PREX2: variants seen among roughly 807,000 people sequenced by gnomAD.
PREX2 encodes the protein phosphatidylinositol 3,4,5-trisphosphate-dependent Rac exchanger 2 protein.
In PREX2, 107 loss-of-function variants were observed where a neutral mutation model predicts 203.2. The ratio of observed to expected loss-of-function variants is 0.53; its 90% CI spans 0.45 to 0.62. The LOEUF (loss-of-function observed/expected upper bound fraction) is 0.62. Ranked by LOEUF, PREX2 falls within the 20% of genes least tolerant of loss-of-function variation. The pLI, the probability that PREX2 is intolerant of heterozygous loss-of-function variation, is 0.00. For synonymous variants in PREX2, 672 were observed against 663.6 expected, an observed-to-expected ratio of 1.01 and a Z score of -0.19; for missense variants, 1,777 against 1,955.9, an observed-to-expected ratio of 0.91 and a Z score of 1.72.
chr8:68,090,836 A>T, intron 20 of PREX2, 121 bp downstream of exon 20: 1 of 657,272 alleles, frequency 1.5e-6, no homozygotes, highest in East Asian at 2.8e-5. Context: ...AATTAAACAC[A>T]GCATTATAAA....
At chr8:68,219,311 A>C (rs1355158329) in intron 38 of PREX2, among the ~76,000 whole-genome samples, 1 of 151,830 alleles carries the variant, frequency 6.6e-6, no homozygotes, top group East Asian at 1.9e-4. Flanking sequence ...AAATAGAGAA[A>C]AAGTAATATT....
intron 35 of PREX2, among the ~76,000 whole-genome samples, chr8:68,183,523 T>C (rs975342008): frequency 6.6e-6 from 1 of 152,200 alleles, no homozygotes; most frequent in African/African-American, 2.4e-5. Context: ...GGACATTGTG[T>C]TGCCATTCGA....
At chr8:67,968,879 G>A (rs574345945) in intron 1 of PREX2, among the ~76,000 whole-genome samples, 2 of 152,178 alleles carry the variant, frequency 1.3e-5, no homozygotes, top group East Asian at 3.8e-4. Context: ...CAAAGGATAC[G>A]GGTGAACTTT....
At chr8:67,968,460 A>T (rs1420234125) in intron 1 of PREX2, among the ~76,000 whole-genome samples, 3 of 152,210 alleles carry the variant, frequency 2.0e-5, no homozygotes, top group Non-Finnish European at 4.4e-5. Context: ...AAATAGCTTT[A>T]TTACCATCAT....
At chr8:68,018,341 C>T (rs144112587) in intron 2 of PREX2, among the ~76,000 whole-genome samples, 145 of 152,126 alleles carry the variant, frequency 9.5e-4, no homozygotes, top group Middle Eastern at 3.4e-3. Context: ...GTAGCACATG[C>T]GTGTAATCCT....
intron 15 of PREX2, among the ~76,000 whole-genome samples, chr8:68,077,837 A>G (rs1232901088): frequency 6.6e-6 from 1 of 152,200 alleles, no homozygotes; most frequent in Non-Finnish European, 1.5e-5. Context: ...GCCAGTATAT[A>G]TTAGAATGAA....
intron 4 of PREX2, among the ~76,000 whole-genome samples, chr8:68,025,613 G>A (rs982289453): frequency 3.3e-5 from 5 of 151,890 alleles, no homozygotes; most frequent in African/African-American, 4.8e-5. Flanking sequence ...CTTCTTCAGT[G>A]ACCCCAAGTT....
chr8:68,119,163 T>G (rs896811598), intron 27 of PREX2, among the ~76,000 whole-genome samples: 5 of 152,210 alleles, frequency 3.3e-5, no homozygotes, highest in Non-Finnish European at 7.3e-5. Flanking sequence ...TTATGCAGTT[T>G]ATGTCAACTC....
At chr8:68,217,221 C>T (rs1172706174) in intron 37 of PREX2, among the ~76,000 whole-genome samples, 1 of 152,022 alleles carries the variant, frequency 6.6e-6, no homozygotes, top group African/African-American at 2.4e-5. Flanking sequence ...TATTTGTGCA[C>T]AAATCAGTAT....
chr8:68,002,713 G>A (rs559371015), intron 1 of PREX2, among the ~76,000 whole-genome samples: 1 of 152,042 alleles, frequency 6.6e-6, no homozygotes, highest in East Asian at 1.9e-4. Context: ...AGTGGTTCAA[G>A]CTGCAAAATG....
intron 37 of PREX2, among the ~76,000 whole-genome samples, chr8:68,201,752 G>A (rs1345185973): frequency 2.6e-5 from 4 of 152,098 alleles, no homozygotes; most frequent in African/African-American, 9.7e-5. Flanking sequence ...TTGACATTCA[G>A]TATTAACCAT....
intron 23 of PREX2, chr8:68,103,000 T>A (rs1273464458): frequency 2.0e-6 from 1 of 507,894 alleles, no homozygotes; most frequent in African/African-American, 1.9e-5. Flanking sequence ...CTTCTTTGTT[T>A]TACATTTGTT....
chr8:67,990,633 C>T (rs1806570106), intron 1 of PREX2, among the ~76,000 whole-genome samples: 1 of 151,842 alleles, frequency 6.6e-6, no homozygotes, highest in South Asian at 2.1e-4. Context: ...CCTCAGCCTC[C>T]CGAGTAACTG....
At chr8:68,176,485 A>G (rs1221960145) in intron 35 of PREX2, among the ~76,000 whole-genome samples, 1 of 152,138 alleles carries the variant, frequency 6.6e-6, no homozygotes, top group African/African-American at 2.4e-5. Context: ...TTGGATTCCA[A>G]TCCCCACCCT....
intron 1 of PREX2, among the ~76,000 whole-genome samples, chr8:67,981,188 A>G (rs764782727): frequency 5.3e-5 from 8 of 152,192 alleles, no homozygotes; most frequent in Non-Finnish European, 1.0e-4. Flanking sequence ...TGCCTAATAT[A>G]AGGGAACAGC....
chr8:68,143,638 G>T (rs145507983), intron 33 of PREX2, among the ~76,000 whole-genome samples: 91 of 152,230 alleles, frequency 6.0e-4, no homozygotes, highest in African/African-American at 2.0e-3. Context: ...CTCCCAGTCT[G>T]TTGCTTGTTT....
chr8:68,224,640 C>G lies in PREX2; in HGVS notation c.4775+14C>G, dbSNP rs760054716. The G allele has an allele frequency of 1.3e-6, 2 of 1,599,478 alleles. No individual in the cohort carries two copies. Among genetic ancestry groups the G allele is most frequent in the Non-Finnish European group, 1.7e-6 (2 of 1,167,208 alleles). On this transcript the variant is annotated intron_variant, in intron 39 of 39. Transcript: ENST00000288368. ...GTCTGCACCAAGGTAAGTGCATCCC[C>G]TGCTCTGCCCTTGCCCGAAAGATTT...
At chr8:68,099,520 A>G (rs1563544968) in intron 22 of PREX2, among the ~76,000 whole-genome samples, 162 bp from the exon 23 acceptor site, 1 of 152,180 alleles carries the variant, frequency 6.6e-6, no homozygotes, top group Non-Finnish European at 1.5e-5. Flanking sequence ...CCTGGCAGCT[A>G]CCCAGAGAAC....
chr8:68,025,509 T>C (rs1166374862), intron 4 of PREX2, among the ~76,000 whole-genome samples: 2 of 152,122 alleles, frequency 1.3e-5, no homozygotes, highest in African/African-American at 2.4e-5. Context: ...TTCTTATTTA[T>C]AGTTGAGCTG....
Sources: gnomAD v4.1 joint callset for allele counts (sites outside exome capture counted in the v4.1 genomes callset) on GRCh38, gnomAD v4.1.1 for gene constraint, MANE v1.5 for transcripts, NCBI Gene and HGNC (gene_info 2026-07-23, HGNC 2026-07-21) for gene names.